SLC1A2: variants seen among roughly 807,000 people sequenced by gnomAD.
The protein encoded by SLC1A2 is solute carrier family 1 member 2, also known as excitatory amino acid transporter 2.
In SLC1A2, 15 loss-of-function variants were observed where a neutral mutation model predicts 48.8. That is an observed-to-expected ratio of 0.31 (90% confidence interval 0.21 to 0.47). The LOEUF is 0.47. Ranked by LOEUF, SLC1A2 falls within the 20% of genes least tolerant of loss-of-function variation. The pLI is 0.99. For missense variants in SLC1A2, 502 were observed against 730.5 expected (o/e 0.69, Z 3.61); for synonymous variants, 279 against 272.6 (o/e 1.02, Z -0.23).
chr11:35,284,112 A>ATATATATATAT (rs1355573961), intron 8 of SLC1A2, among the ~76,000 whole-genome samples: 2 of 91,402 alleles, frequency 2.2e-5, no homozygotes, highest in Non-Finnish European at 2.3e-5. Context: ...TATATATATA[A>ATATATATATAT]ATTATTATTT....
At chr11:35,340,220 T>G (rs1852787101) in intron 1 of SLC1A2, among the ~76,000 whole-genome samples, 2 of 152,052 alleles carry the variant, frequency 1.3e-5, no homozygotes, top group Admixed American at 1.3e-4. Flanking sequence ...CCCAACTCAG[T>G]GCCAAGCCAG....
intron 9 of SLC1A2, among the ~76,000 whole-genome samples, chr11:35,270,311 G>C (rs1304853122): frequency 6.6e-6 from 1 of 152,132 alleles, no homozygotes; most frequent in African/African-American, 2.4e-5. Flanking sequence ...CTCACAGGAG[G>C]TTGTACTAAG....
chr11:35,329,693 G>A (rs1358203897), intron 1 of SLC1A2, among the ~76,000 whole-genome samples: 2 of 152,130 alleles, frequency 1.3e-5, no homozygotes, highest in Non-Finnish European at 2.9e-5. Flanking sequence ...ACATACCAAT[G>A]TCTGGTCAAT....
At chr11:35,389,452 C>CCTTCTCCTTCTTCTTCATCTT (rs141467812) in intron 1 of SLC1A2, among the ~76,000 whole-genome samples, 2 of 150,428 alleles carry the variant, frequency 1.3e-5, no homozygotes, top group African/African-American at 4.9e-5. Flanking sequence ...TTCTCCTTCT[C>CCTTCTCCTTCTTCTTCATCTT]CTTCTTCTTC....
Position 35,255,101 on chromosome 11 carries a change from T to C in SLC1A2, c.*5793A>G, listed in dbSNP as rs1349223521. ...ATCCTTTCAGTCCTAGCTTTACATC[T>C]TGCCCTTGCAAACCTGAAGAGCTGA... On this transcript the variant is annotated 3_prime_UTR_variant, in exon 11 of 11. Transcript: ENST00000278379. 1 of 277,760 alleles carries C rather than the reference T, an allele frequency of 3.6e-6. No individual in the cohort carries two copies. Among genetic ancestry groups the C allele is most frequent in the Non-Finnish European group, 7.0e-6 (1 of 142,570 alleles). 17.2% of individuals were successfully genotyped at this position (277,760 alleles called of 1,614,324 possible).
intron 1 of SLC1A2, among the ~76,000 whole-genome samples, chr11:35,410,056 C>T (rs1479741544): frequency 2.6e-5 from 4 of 151,962 alleles, no homozygotes; most frequent in Non-Finnish European, 4.4e-5. Context: ...GGATTGGGGC[C>T]GGAGATAGTC....
At chr11:35,338,418 T>C (rs1852713283) in intron 1 of SLC1A2, among the ~76,000 whole-genome samples, 1 of 152,174 alleles carries the variant, frequency 6.6e-6, no homozygotes, top group Non-Finnish European at 1.5e-5. Context: ...TGGATGGAAC[T>C]GACCCATGCC....
At chr11:35,354,150 T>G (rs1853372472) in intron 1 of SLC1A2, among the ~76,000 whole-genome samples, 1 of 152,094 alleles carries the variant, frequency 6.6e-6, no homozygotes, top group African/African-American at 2.4e-5. Flanking sequence ...AGAGGCCTTC[T>G]GATATAAAAA....
intron 1 of SLC1A2, chr11:35,322,930 C>A: frequency 1.6e-6 from 1 of 609,712 alleles, no homozygotes; most frequent in Non-Finnish European, 2.9e-6. Context: ...AATCCCTCCA[C>A]CCTTCCTAGA....
intron 1 of SLC1A2, among the ~76,000 whole-genome samples, chr11:35,409,942 C>A (rs1480130987): frequency 6.6e-6 from 1 of 151,864 alleles, no homozygotes; most frequent in Non-Finnish European, 1.5e-5. Flanking sequence ...AATAAATAAA[C>A]CTAAGGAAGA....
chr11:35,398,499 G>A (rs1366534010), intron 1 of SLC1A2, among the ~76,000 whole-genome samples: 1 of 151,962 alleles, frequency 6.6e-6, no homozygotes, highest in Middle Eastern at 3.2e-3. Context: ...AACAGACACT[G>A]GGGTCTACTT....
chr11:35,378,216 C>T (rs1400042053), intron 1 of SLC1A2, among the ~76,000 whole-genome samples: 1 of 152,232 alleles, frequency 6.6e-6, no homozygotes, highest in Non-Finnish European at 1.5e-5. Flanking sequence ...AGGCAGAACC[C>T]CCAGATCCTA....
chr11:35,314,712 CAAA>C (rs531467759), intron 3 of SLC1A2, among the ~76,000 whole-genome samples: 2 of 132,676 alleles, frequency 1.5e-5, no homozygotes, highest in Non-Finnish European at 3.2e-5. Context: ...GACTCCATCT[CAAA>C]AAAAAAAAAA....
chr11:35,266,377 A>T (rs1313750595), intron 9 of SLC1A2, among the ~76,000 whole-genome samples: 1 of 152,206 alleles, frequency 6.6e-6, no homozygotes, highest in Non-Finnish European at 1.5e-5. Context: ...ATTGACCAAT[A>T]TGTGTTATGA....
At chr11:35,280,690 TC>T (rs1214973879) in intron 9 of SLC1A2, 176 bp downstream of exon 9, 1 of 521,666 alleles carries the variant, frequency 1.9e-6, no homozygotes, top group East Asian at 3.1e-5. Flanking sequence ...AAATATTTCA[TC>T]TTTTTCTTCT....
Position 35,258,964 on chromosome 11 carries a change from A to AATG in SLC1A2, c.*1927_*1929dup, listed in dbSNP as rs1950353266. On this transcript the variant is annotated 3_prime_UTR_variant, in exon 11 of 11. Transcript: ENST00000278379. ...TGTCTAAAAAAAAAAAAAAAAAAAG[A>AATG]ATGCATTTTCTACTACTACACTTAA... 6.7e-6 allele frequency: 1 copy of AATG among 148,952 alleles called. No individual in the cohort carries two copies. The highest frequency in any genetic ancestry group is 2.1e-4 in the South Asian group (1 of 4,744). 9.2% of individuals were successfully genotyped at this position (148,952 alleles called of 1,614,324 possible). A position where few individuals can be genotyped will look rare whatever the true frequency, so the allele number is the denominator to read the frequency against.
intron 1 of SLC1A2, among the ~76,000 whole-genome samples, chr11:35,379,777 G>A (rs868449852): frequency 1.3e-5 from 2 of 152,072 alleles, no homozygotes; most frequent in African/African-American, 4.8e-5. Context: ...CCATAAACCG[G>A]CCAATTGAAA....
At chr11:35,413,050 A>C (rs1855513215) in intron 1 of SLC1A2, among the ~76,000 whole-genome samples, 1 of 152,206 alleles carries the variant, frequency 6.6e-6, no homozygotes, top group African/African-American at 2.4e-5. Flanking sequence ...TAATTCTTCA[A>C]ATCCAAAACC....
intron 1 of SLC1A2, among the ~76,000 whole-genome samples, chr11:35,387,818 A>C (rs899651008): frequency 8.0e-5 from 8 of 99,620 alleles, no homozygotes; most frequent in Admixed American, 7.3e-4. Flanking sequence ...AGGAAGTGAC[A>C]AAAAAAAACA....
Sources: gnomAD v4.1 joint callset for allele counts (sites outside exome capture counted in the v4.1 genomes callset) on GRCh38, gnomAD v4.1.1 for gene constraint, MANE v1.5 for transcripts, NCBI Gene and HGNC (gene_info 2026-07-23, HGNC 2026-07-21) for gene names.